Variants in IL3RA observed in about 807,000 individuals in gnomAD.
The protein encoded by IL3RA is interleukin 3 receptor subunit alpha, also known as interleukin-3 receptor subunit alpha.
Under a neutral mutation model 52.3 loss-of-function variants are expected in IL3RA, and 73 were observed. The observed-to-expected ratio is 1.40, with a 90% CI of 1.16 to 1.70. IL3RA has a LOEUF of 1.70. Among genes scored for constraint, IL3RA ranks in the 40% most tolerant of loss-of-function variants. The pLI is 0.00. For missense variants in IL3RA, 664 were observed against 504.4 expected, an observed-to-expected ratio of 1.32 and a Z score of -3.03; for synonymous variants, 260 against 194.0, an observed-to-expected ratio of 1.34 and a Z score of -2.83.
intron 10 of IL3RA, among the ~76,000 whole-genome samples, chrX:1,380,412 G>GA (rs2089089657): frequency 2.5e-5 from 1 of 40,480 alleles, no homozygotes; most frequent in African/African-American, 1.2e-4. Flanking sequence ...CCGGGGGAAG[G>GA]GGGAAAAGGG....
chrX:1,343,704 C>G (rs1385954823), intron 2 of IL3RA, among the ~76,000 whole-genome samples: 16 of 147,142 alleles, frequency 1.1e-4, no homozygotes, highest in Non-Finnish European at 2.2e-4. Flanking sequence ...CCTTTAACAT[C>G]TTTGTACAGG....
Position 1,358,276 on chromosome X carries a change from C to G in IL3RA, c.733-585C>G, listed in dbSNP as rs2086890372. Among the ~76,000 whole-genome samples, 3 of 152,116 alleles carry G rather than the reference C, an allele frequency of 2.0e-5. No homozygotes were observed. The South Asian group carries it at 6.2e-4, about 32-fold the overall frequency. On this transcript the variant is annotated intron_variant, in intron 7 of 11. Coordinates refer to ENST00000331035, the MANE Select transcript of IL3RA (RefSeq NM_002183.4). The stretch of plus-strand genomic sequence containing the variant: ...TGTCTGTGGCTACCCCTGAGTGCAT[C>G]TGGACACAGTCTGGGAGGACGGTGG...
intron 9 of IL3RA, among the ~76,000 whole-genome samples, chrX:1,366,552 G>C (rs2088064328): frequency 3.9e-5 from 2 of 51,282 alleles, no homozygotes; most frequent in Non-Finnish European, 6.8e-5. Flanking sequence ...GGGGTGAGCC[G>C]GGTGCGCGGG....
chrX:1,353,911 CCCT>C (rs1405339531), intron 6 of IL3RA, among the ~76,000 whole-genome samples: 25 of 144,372 alleles, frequency 1.7e-4, no homozygotes, highest in South Asian at 8.9e-4. Context: ...GTCATGGGAT[CCCT>C]CATCATGGGT....
chrX:1,353,159 C>T (rs2086223337), intron 6 of IL3RA, among the ~76,000 whole-genome samples: 1 of 148,776 alleles, frequency 6.7e-6, no homozygotes, highest in African/African-American at 2.5e-5. Flanking sequence ...CATGGGATCC[C>T]TCATCGTGGG....
chrX:1,359,732 G>C (rs867704220), intron 8 of IL3RA, among the ~76,000 whole-genome samples: 17 of 91,694 alleles, frequency 1.9e-4, no homozygotes, highest in Non-Finnish European at 2.2e-4. Context: ...CTCTCTCCCC[G>C]TTCCCATCTC....
intron 2 of IL3RA, among the ~76,000 whole-genome samples, chrX:1,343,616 A>G (rs1295971896): frequency 1.3e-4 from 19 of 144,602 alleles, no homozygotes; most frequent in Admixed American, 2.7e-4. Context: ...GCCGTGAGCC[A>G]AGATCACGCC....
At chrX:1,346,708 C>T (rs2085758732) in intron 3 of IL3RA, among the ~76,000 whole-genome samples, 1 of 151,430 alleles carries the variant, frequency 6.6e-6, no homozygotes, top group African/African-American at 2.4e-5. Flanking sequence ...CTTGTCATCA[C>T]CTGCGTTCTC....
intron 8 of IL3RA, among the ~76,000 whole-genome samples, chrX:1,364,768 G>A (rs1361578109): frequency 1.3e-5 from 2 of 150,472 alleles, no homozygotes. Flanking sequence ...ATAAACCGTA[G>A]CACCCAGCCC....
chrX:1,353,664 AC>A (rs10624984), intron 6 of IL3RA, among the ~76,000 whole-genome samples: 2 of 22,128 alleles, frequency 9.0e-5, no homozygotes, highest in African/African-American at 2.4e-4. Context: ...GGGTCATGGG[AC>A]CCCCCCCATC....
chrX:1,348,646 C>CTTTCTTTCTT (rs1247044937), intron 4 of IL3RA, 101 bp downstream of exon 4: 8 of 282,232 alleles, frequency 2.8e-5, no homozygotes, highest in Admixed American at 9.3e-5. Context: ...TTCTTTTTCT[C>CTTTCTTTCTT]TTTCTTTCTT....
At chrX:1,355,417 G>T in intron 6 of IL3RA, among the ~76,000 whole-genome samples, 1 of 126,596 alleles carries the variant, frequency 7.9e-6, no homozygotes, top group Non-Finnish European at 1.7e-5. Context: ...GAGCGGAGGG[G>T]GAGGAGGGGA....
chrX:1,370,766 C>T (rs1191552284), intron 9 of IL3RA, among the ~76,000 whole-genome samples: 3 of 61,954 alleles, frequency 4.8e-5, no homozygotes, highest in African/African-American at 3.0e-4. Flanking sequence ...TAAGAAGAGA[C>T]GAGGACACAG....
chrX:1,353,121 AC>A (rs1191958857), intron 6 of IL3RA, among the ~76,000 whole-genome samples: 1 of 120,362 alleles, frequency 8.3e-6, no homozygotes, highest in East Asian at 2.5e-4. Context: ...GTCATGGGAC[AC>A]CCCCCATCAT....
chrX:1,337,720 C>CA (rs2085361244), intron 1 of IL3RA, among the ~76,000 whole-genome samples: 1 of 139,442 alleles, frequency 7.2e-6, no homozygotes, highest in Non-Finnish European at 1.6e-5. Flanking sequence ...CAGCTTTATT[C>CA]ACAATAGCCA....
intron 1 of IL3RA, among the ~76,000 whole-genome samples, chrX:1,339,715 G>A (rs1244932699): frequency 2.2e-4 from 34 of 152,096 alleles, no homozygotes; most frequent in African/African-American, 6.0e-4. Context: ...TCGCTTGAAC[G>A]TGGGAGGTGG....
rs1351240581 is a variant in IL3RA, at chrX:1,361,744, C to T, written c.759+2857C>T. On this transcript the variant is annotated intron_variant, in intron 8 of 11. Coordinates refer to ENST00000331035, the MANE Select transcript of IL3RA (RefSeq NM_002183.4). ...CTCCAGCCTGGGTGACAGAGTGAGA[C>T]TCCGTCTCGAGAAAAAAAAAAAAAA... Among the ~76,000 whole-genome samples, 10 of 121,120 alleles carry T rather than the reference C, an allele frequency of 8.3e-5. 1 individual carries two copies. In the Admixed American group the frequency reaches 9.8e-4, roughly 12 times the overall value. The allele number at this position is 121,120 out of a possible 152,430, so 79.5% of individuals were successfully genotyped here.
chrX:1,356,072 G>T, intron 6 of IL3RA, 149 bp from the exon 7 acceptor site: 1 of 629,802 alleles, frequency 1.6e-6, no homozygotes, highest in East Asian at 2.7e-5. Context: ...GAGTTTCTTT[G>T]TTCCCTCTTC....
chrX:1,378,456 C>T (rs761703983), intron 9 of IL3RA, among the ~76,000 whole-genome samples: 4 of 152,300 alleles, frequency 2.6e-5, no homozygotes, highest in East Asian at 1.9e-4. Flanking sequence ...AAGTCGCTCC[C>T]GGTCCTGGTA....
Sources: allele counts gnomAD v4.1 joint callset (sites outside exome capture counted in the v4.1 genomes callset), GRCh38; gene constraint gnomAD v4.1.1; transcripts MANE v1.5; gene names NCBI Gene and HGNC (gene_info 2026-07-23, HGNC 2026-07-21).